Variants in ZZEF1 observed in about 807,000 individuals in gnomAD.
ZZEF1 encodes the protein zinc finger ZZ-type and EF-hand domain containing 1.
Under a neutral mutation model 342.8 loss-of-function variants are expected in ZZEF1, and 157 were observed. The ratio of observed to expected loss-of-function variants is 0.46; its 90% CI spans 0.40 to 0.52. ZZEF1 has a LOEUF of 0.52. Ranked by LOEUF, ZZEF1 falls within the 20% of genes least tolerant of loss-of-function variation. ZZEF1 has a pLI of 0.00. For missense variants in ZZEF1, 3,480 were observed against 3,725.6 expected (o/e 0.93, Z 1.72); for synonymous variants, 1,505 against 1,429.1 (o/e 1.05, Z -1.20).
intron 34 of ZZEF1, among the ~76,000 whole-genome samples, chr17:4,053,584 G>C (rs1371459105): frequency 1.3e-5 from 2 of 152,210 alleles, no homozygotes; most frequent in South Asian, 2.1e-4. Context: ...CTGGACTGTA[G>C]ATGGTTCCAG....
chr17:4,129,705 T>C (rs1411814566), intron 1 of ZZEF1, among the ~76,000 whole-genome samples: 4 of 151,832 alleles, frequency 2.6e-5, no homozygotes, highest in Non-Finnish European at 4.4e-5. Flanking sequence ...GGTGTGGTGG[T>C]AGGCACCTAT....
At chr17:4,012,318 G>A (rs116953555) in intron 52 of ZZEF1, among the ~76,000 whole-genome samples, 3,284 of 152,272 alleles carry the variant, frequency 0.022, 45 homozygotes, top group Non-Finnish European at 0.033. Flanking sequence ...CTCTCTCCAC[G>A]CTGCTTATGG....
chr17:4,007,357 T>C (rs2055826272), intron 54 of ZZEF1, among the ~76,000 whole-genome samples: 1 of 152,188 alleles, frequency 6.6e-6, no homozygotes, highest in Admixed American at 6.5e-5. Flanking sequence ...AGGAGGGCAC[T>C]GAGATGCCCT....
At position 4,073,014 on chromosome 17, in the gene ZZEF1, T is replaced by C. The variant is rs2057540370; in HGVS notation, c.3686-258A>G. ...ACCTTGGAAATGACTAATCTGTTTATAGTAAGCTGAAAATAGGATATGAAC... is the reference window on the plus strand; with the variant it reads ...ACCTTGGAAATGACTAATCTGTTTACAGTAAGCTGAAAATAGGATATGAAC... On this transcript the variant is annotated intron_variant, in intron 24 of 54. Coordinates refer to ENST00000381638, the MANE Select transcript of ZZEF1 (RefSeq NM_015113.4). 3.9e-5 allele frequency among the ~76,000 whole-genome samples: 6 copies of C among 152,232 alleles called. No individual in the cohort carries two copies. In the South Asian group the frequency reaches 1.2e-3, roughly 32 times the overall value.
At chr17:4,123,629 CAGTGAAGGCCAAGG>C (rs2058525913) in intron 2 of ZZEF1, among the ~76,000 whole-genome samples, 1 of 151,970 alleles carries the variant, frequency 6.6e-6, no homozygotes, top group Non-Finnish European at 1.5e-5. Context: ...AGAGAATGAA[CAGTGAAGGCCAAGG>C]AGGGCTTCTG....
At chr17:4,104,872 A>C in intron 7 of ZZEF1, 61 bp from the exon 8 acceptor site, 154 of 1,464,744 alleles carry the variant, frequency 1.1e-4, no homozygotes, top group Middle Eastern at 1.8e-4. Context: ...CAGGTAGCTC[A>C]AACCCCATGT....
At chr17:4,122,008 T>C (rs2058491524) in intron 2 of ZZEF1, among the ~76,000 whole-genome samples, 1 of 152,164 alleles carries the variant, frequency 6.6e-6, no homozygotes, top group Non-Finnish European at 1.5e-5. Flanking sequence ...TGAGCCACCA[T>C]GTCTGGCTGG....
intron 1 of ZZEF1, among the ~76,000 whole-genome samples, chr17:4,135,439 A>C (rs1358425026): frequency 6.6e-6 from 1 of 151,574 alleles, no homozygotes. Flanking sequence ...TCACCACTGC[A>C]CTGCAGCCTG....
intron 8 of ZZEF1, among the ~76,000 whole-genome samples, chr17:4,104,385 T>A (rs376773944): frequency 6.6e-6 from 1 of 152,120 alleles, no homozygotes; most frequent in Non-Finnish European, 1.5e-5. Flanking sequence ...CATGGGAGTA[T>A]AGCCTTGTGG....
rs888577058 is a variant in ZZEF1 at position 4,008,426 on chromosome 17, G to A, written c.8805+457C>T. 1.9e-5 allele frequency: 12 copies of A among 633,986 alleles called. No homozygotes were observed. The highest frequency in any genetic ancestry group is 2.4e-5 in the Non-Finnish European group (12 of 509,214). 39.3% of individuals were successfully genotyped at this position (633,986 alleles called of 1,614,324 possible). ...GCTTAATTTTTAAATTGAAAATCTC[G>A]TTTCTAATGGCACATATGGATATAT... On this transcript the variant is annotated intron_variant, in intron 54 of 54. Coordinates refer to ENST00000381638, the MANE Select transcript of ZZEF1 (RefSeq NM_015113.4). The surrounding 1 kb of genome is among the most constrained non-coding windows in gnomAD (Gnocchi z 4.2).
rs1005913750 is a variant in ZZEF1, at chr17:4,014,763, A to G, written c.8146-248T>C. On this transcript the variant is annotated intron_variant, in intron 49 of 54. Transcript: ENST00000381638. The surrounding 1 kb of genome is among the most constrained non-coding windows in gnomAD (Gnocchi z 4.4). ...GAAAGAGTGTCAGGCTGCTGTGAAG[A>G]GTGAAGAGGACAGGAGGACCCTGTT... is the stretch of plus-strand genomic sequence containing the variant. Among the ~76,000 whole-genome samples, 1 of 151,978 alleles carries G rather than the reference A, an allele frequency of 6.6e-6. No individual in the cohort carries two copies. The highest frequency in any genetic ancestry group is 1.5e-5 in the Non-Finnish European group (1 of 67,974).
chr17:4,024,284 G>A (rs1265135973), intron 43 of ZZEF1, among the ~76,000 whole-genome samples: 1 of 137,788 alleles, frequency 7.3e-6, no homozygotes, highest in Non-Finnish European at 1.5e-5. Context: ...TACAACCTCT[G>A]CCTCCCGGGT....
rs149286475 is a variant in ZZEF1 at position 4,072,701 on chromosome 17, G to A, written c.3741C>T (p.Ser1247=). The change falls in exon 25 of 55, where the codon TCC becomes TCT. Residue 1247 remains serine (S), a synonymous_variant. Transcript: ENST00000381638. The part of the protein sequence containing the change: ...PQAKMALVLS[S]PLWKPVFRHQ... ...GCCTGAAGACAGGTTTCCACAGTGGGGAGCTTAGGACTAATGCCATTTTTG... is the reference window on the plus strand; with the variant it reads ...GCCTGAAGACAGGTTTCCACAGTGGAGAGCTTAGGACTAATGCCATTTTTG... The A allele has an allele frequency of 6.2e-7, 1 of 1,613,818 alleles. No homozygotes were observed. Among genetic ancestry groups the A allele is most frequent in the Non-Finnish European group, 8.5e-7 (1 of 1,179,914 alleles).
rs1272803493 is a variant in ZZEF1 at position 4,076,909 on chromosome 17, T to C, written c.3070A>G (p.Arg1024Gly). ...SQYSGKTIVE[R>G]LCNSVFSMAA... is the part of the protein sequence containing the mutation. ...ATTGAAAACACTGAGTTACATAATC[T>C]TTCTACTATGGTTTTTCCACTGTAC... Residue 1024 changes from arginine to glycine, a missense_variant, in exon 20 of 55, where the codon AGA becomes GGA. Coordinates refer to ENST00000381638, the MANE Select transcript of ZZEF1 (RefSeq NM_015113.4). 14 of 1,614,224 alleles carry C rather than the reference T, an allele frequency of 8.7e-6. No individual in the cohort carries two copies. In the Admixed American group the frequency reaches 2.2e-4, roughly 25 times the overall value.
chr17:4,083,023 A>T (rs1324915707), intron 16 of ZZEF1, among the ~76,000 whole-genome samples: 4 of 151,928 alleles, frequency 2.6e-5, no homozygotes, highest in Non-Finnish European at 5.9e-5. Context: ...TGATCCACCC[A>T]CCTCTGCCTC....
In ZZEF1 at chr17:4,062,715, T is replaced by C. The variant is rs764323662; in HGVS notation, c.4883+38A>G. The stretch of plus-strand genomic sequence containing the variant: ...TAATCAGGATTTATTTACAATGATC[T>C]TTGCTGTTTTCCTTCTGGACCTGTC... On this transcript the variant is annotated intron_variant, in intron 30 of 54. Coordinates refer to ENST00000381638, the MANE Select transcript of ZZEF1 (RefSeq NM_015113.4). The C allele has an allele frequency of 4.5e-6, 7 of 1,542,098 alleles. No individual in the cohort carries two copies. The South Asian group carries it at 6.1e-5, about 13-fold the overall frequency.
chr17:4,080,823 C>T (rs8081968), intron 18 of ZZEF1, among the ~76,000 whole-genome samples: 52,844 of 152,098 alleles, frequency 0.35, 9,573 homozygotes, highest in African/African-American at 0.46. Flanking sequence ...CCACAGGAAG[C>T]ATTATCGAGC....
rs990217583 is a variant in ZZEF1 at position 4,142,917 on chromosome 17, T to C, written c.-22A>G. On this transcript the variant is annotated 5_prime_UTR_variant, in exon 1 of 55. Transcript: ENST00000381638. ...CCATGGGGTCTCCGTCTTGGGCGCCTGGCTCTGCAGCCGCCGCCGCCGCCT... is the reference window on the plus strand; with the variant it reads ...CCATGGGGTCTCCGTCTTGGGCGCCCGGCTCTGCAGCCGCCGCCGCCGCCT... 7.7e-7 allele frequency: 1 copy of C among 1,306,504 alleles called. No homozygotes were observed. Among genetic ancestry groups the C allele is most frequent in the Non-Finnish European group, 9.7e-7 (1 of 1,031,540 alleles). The allele number at this position is 1,306,504 out of a possible 1,614,324, so 80.9% of individuals were successfully genotyped here.
intron 20 of ZZEF1, 41 bp downstream of exon 20, chr17:4,076,827 C>G: frequency 6.2e-7 from 1 of 1,612,962 alleles, no homozygotes; most frequent in Non-Finnish European, 8.5e-7. Context: ...GACCCCCAAC[C>G]CCCTTCCGGT....
Sources: allele counts gnomAD v4.1 joint callset (sites outside exome capture counted in the v4.1 genomes callset), GRCh38; gene constraint gnomAD v4.1.1; non-coding constraint Gnocchi (gnomAD v3.1); transcripts MANE v1.5; gene names NCBI Gene and HGNC (gene_info 2026-07-23, HGNC 2026-07-21).